NPAS3: variants seen among roughly 807,000 people sequenced by gnomAD.
NPAS3 encodes neuronal PAS domain-containing protein 3.
Under a neutral mutation model 73.1 loss-of-function variants are expected in NPAS3, and 14 were observed. The ratio of observed to expected loss-of-function variants is 0.19; its 90% CI spans 0.13 to 0.30. The LOEUF is 0.30. Ranked by LOEUF, NPAS3 falls within the 10% of genes least tolerant of loss-of-function variation. NPAS3 has a pLI of 1.00. For missense variants in NPAS3, 1,096 were observed against 1,250.0 expected, an observed-to-expected ratio of 0.88 and a Z score of 1.86; for synonymous variants, 620 against 541.5, an observed-to-expected ratio of 1.14 and a Z score of -2.01.
chr14:33,090,091 T>G (rs2042173208), intron 2 of NPAS3, among the ~76,000 whole-genome samples: 2 of 152,186 alleles, frequency 1.3e-5, no homozygotes, highest in African/African-American at 4.8e-5. Flanking sequence ...CTGCATCAAC[T>G]AATGGACAAA....
At chr14:33,308,866 G>A (rs73256829) in intron 3 of NPAS3, among the ~76,000 whole-genome samples, 2,384 of 152,140 alleles carry the variant, frequency 0.016, 26 homozygotes, top group South Asian at 0.044. Flanking sequence ...AAGTTATAAT[G>A]CTAAGGATAG....
intron 4 of NPAS3, among the ~76,000 whole-genome samples, chr14:33,521,837 G>A (rs969276032): frequency 8.5e-5 from 13 of 152,052 alleles, no homozygotes; most frequent in African/African-American, 1.2e-4. Flanking sequence ...GAAACATCTC[G>A]GAAATGCTAA....
At chr14:33,506,810 C>T (rs957865758) in intron 4 of NPAS3, among the ~76,000 whole-genome samples, 1 of 152,024 alleles carries the variant, frequency 6.6e-6, no homozygotes. Flanking sequence ...AGTCTCCCCC[C>T]TAATTCCCCA....
intron 5 of NPAS3, among the ~76,000 whole-genome samples, chr14:33,672,995 G>A (rs934482637): frequency 6.6e-6 from 1 of 152,228 alleles, no homozygotes; most frequent in African/African-American, 2.4e-5. Context: ...AATGACTCAG[G>A]TGCATATATA....
chr14:33,260,649 A>AT (rs2048943139), intron 3 of NPAS3, among the ~76,000 whole-genome samples: 1 of 151,976 alleles, frequency 6.6e-6, no homozygotes, highest in Admixed American at 6.6e-5. Context: ...ATATTTCAGA[A>AT]TTTTTTTCTT....
chr14:33,591,269 T>C (rs1248010525), intron 5 of NPAS3, among the ~76,000 whole-genome samples: 1 of 152,172 alleles, frequency 6.6e-6, no homozygotes, highest in East Asian at 1.9e-4. Flanking sequence ...GACTTTGCTC[T>C]GTACTTTTAG....
chr14:33,074,237 T>G (rs74041778), intron 2 of NPAS3, among the ~76,000 whole-genome samples: 46 of 152,350 alleles, frequency 3.0e-4, no homozygotes, highest in African/African-American at 9.6e-4. Context: ...TTAATTCATA[T>G]CCTACTATAT....
intron 4 of NPAS3, among the ~76,000 whole-genome samples, chr14:33,454,892 AG>A (rs1398779813): frequency 6.6e-6 from 1 of 152,188 alleles, no homozygotes; most frequent in Non-Finnish European, 1.5e-5. Context: ...TTAACAGGTG[AG>A]GAGAGGCAGC....
At chr14:33,670,606 A>G (rs2059582765) in intron 5 of NPAS3, among the ~76,000 whole-genome samples, 1 of 132,168 alleles carries the variant, frequency 7.6e-6, no homozygotes, top group South Asian at 2.6e-4. Flanking sequence ...CTTCAATAAT[A>G]TAAATGTGAC....
At chr14:33,178,371 C>T (rs974081742) in intron 2 of NPAS3, among the ~76,000 whole-genome samples, 4 of 152,096 alleles carry the variant, frequency 2.6e-5, no homozygotes, top group Non-Finnish European at 5.9e-5. Context: ...CCGCACCCGG[C>T]CGAAGTGAAT....
chr14:33,615,858 T>C (rs2057900230), intron 5 of NPAS3, among the ~76,000 whole-genome samples: 1 of 152,180 alleles, frequency 6.6e-6, no homozygotes, highest in Admixed American at 6.5e-5. Context: ...TTATGGTCTT[T>C]AAAAGAAAAA....
intron 1 of NPAS3, among the ~76,000 whole-genome samples, chr14:32,949,861 T>C (rs189112300): frequency 4.9e-4 from 74 of 152,144 alleles, no homozygotes; most frequent in Non-Finnish European, 8.5e-4. Flanking sequence ...TTAAAAAAAT[T>C]AGTTATGCTA....
chr14:33,619,420 A>G (rs1448169876), intron 5 of NPAS3, among the ~76,000 whole-genome samples: 2 of 152,100 alleles, frequency 1.3e-5, no homozygotes, highest in Non-Finnish European at 2.9e-5. Flanking sequence ...CTCTTAAACT[A>G]TATGAAATGA....
At chr14:33,160,943 A>G (rs1311761417) in intron 2 of NPAS3, among the ~76,000 whole-genome samples, 1 of 152,220 alleles carries the variant, frequency 6.6e-6, no homozygotes, top group Non-Finnish European at 1.5e-5. Context: ...ATTGTAGCAC[A>G]TATTGGAGAA....
upstream of NPAS3, among the ~76,000 whole-genome samples, chr14:32,937,561 G>A (rs909121161): frequency 6.6e-6 from 1 of 152,108 alleles, no homozygotes; most frequent in Non-Finnish European, 1.5e-5. Flanking sequence ...CCTGTAGAGT[G>A]TACTCCAAAG....
At chr14:33,326,718 GA>G (rs1251882653) in intron 3 of NPAS3, among the ~76,000 whole-genome samples, 2 of 152,204 alleles carry the variant, frequency 1.3e-5, no homozygotes, top group Non-Finnish European at 2.9e-5. Flanking sequence ...GAATGCCCAA[GA>G]GACGTGGGCA....
At chr14:33,439,468 A>C (rs961328855) in intron 4 of NPAS3, among the ~76,000 whole-genome samples, 3 of 152,244 alleles carry the variant, frequency 2.0e-5, no homozygotes, top group African/African-American at 7.2e-5. Flanking sequence ...AGTGTGAGGC[A>C]TGAACTTGAC....
intron 5 of NPAS3, among the ~76,000 whole-genome samples, chr14:33,648,843 T>C (rs2140221261): frequency 6.6e-6 from 1 of 152,308 alleles, no homozygotes; most frequent in Non-Finnish European, 1.5e-5. Context: ...ATTGTCTCTA[T>C]TCTAAATTTA....
At chr14:33,241,939 G>A (rs1005822584) in intron 3 of NPAS3, among the ~76,000 whole-genome samples, 6 of 151,974 alleles carry the variant, frequency 3.9e-5, no homozygotes, top group Non-Finnish European at 8.8e-5. Flanking sequence ...GCATATTGAT[G>A]TAACATGAAA....
Sources: allele counts gnomAD v4.1 joint callset (sites outside exome capture counted in the v4.1 genomes callset), GRCh38; gene constraint gnomAD v4.1.1; transcripts MANE v1.5; gene names NCBI Gene and HGNC (gene_info 2026-07-23, HGNC 2026-07-21).